The following PHF21A variants were observed in gnomAD, a reference collection of about 807,000 sequenced individuals.
PHF21A encodes BHC80a.
Under a neutral mutation model 82.5 loss-of-function variants are expected in PHF21A, and 11 were observed. The observed-to-expected ratio is 0.13, with a 90% CI of 0.08 to 0.22. PHF21A has a LOEUF of 0.22. Among genes scored for constraint, PHF21A ranks in the 10% least tolerant of loss-of-function variants. The pLI, the probability that PHF21A is intolerant of heterozygous loss-of-function variation, is 1.00. For synonymous variants in PHF21A, 297 were observed against 302.8 expected (o/e 0.98, Z 0.20); for missense variants, 579 against 837.8 (o/e 0.69, Z 3.81).
At position 46,100,213 on chromosome 11, in the gene PHF21A, A is replaced by T. The variant is rs138297435; in HGVS notation, c.-236-7990T>A. ...CTTGATATTAATGCTAGCCTTTAAG[A>T]CCAAAAATATGTTATGTTACAGAAG... On this transcript the variant is annotated intron_variant, in intron 1 of 18. Transcript: ENST00000676320. 2.3e-3 allele frequency among the ~76,000 whole-genome samples: 348 copies of T among 152,296 alleles called. 2 individuals carry two copies. The highest frequency in any genetic ancestry group is 8.0e-3 in the African/African-American group (331 of 41,568).
At chr11:45,972,936 G>A (rs923052192) in intron 7 of PHF21A, among the ~76,000 whole-genome samples, 1 of 151,988 alleles carries the variant, frequency 6.6e-6, no homozygotes, top group Admixed American at 6.6e-5. Flanking sequence ...AAATTAGCCA[G>A]GTGTGGTGGC....
chr11:46,037,577 C>T (rs577548169), intron 6 of PHF21A, among the ~76,000 whole-genome samples: 5 of 145,966 alleles, frequency 3.4e-5, no homozygotes, highest in Admixed American at 1.4e-4. Flanking sequence ...GGAGCCGCCT[C>T]TGTTGCGGTG....
At chr11:45,939,127 C>T (rs1197849321) in intron 15 of PHF21A, among the ~76,000 whole-genome samples, 2 of 152,190 alleles carry the variant, frequency 1.3e-5, no homozygotes, top group East Asian at 1.9e-4. Flanking sequence ...CCACTGCACC[C>T]GGCCGGGACT....
intron 6 of PHF21A, among the ~76,000 whole-genome samples, chr11:46,074,114 T>A (rs1474678910): frequency 6.6e-6 from 1 of 150,656 alleles, no homozygotes; most frequent in Non-Finnish European, 1.5e-5. Flanking sequence ...AATGGTTTTG[T>A]CAGATGCAAA....
intron 1 of PHF21A, among the ~76,000 whole-genome samples, chr11:46,115,352 A>T (rs898837466): frequency 6.6e-6 from 1 of 152,188 alleles, no homozygotes; most frequent in African/African-American, 2.4e-5. Flanking sequence ...CTACTTCAAC[A>T]TTTTTACAAA....
chr11:45,935,297 T>G (rs1590885374), intron 18 of PHF21A: 1 of 1,303,116 alleles, frequency 7.7e-7, no homozygotes, highest in South Asian at 1.2e-5. Context: ...CAGTGTCAGG[T>G]GAGGCGCTAC....
Position 45,969,920 on chromosome 11 carries a change from GATAA to G in PHF21A, c.613-20_613-17del, listed in dbSNP as rs760308964. ...CCTGAACCTGCTAAAAAATGAGGAA[GATAA>G]ATAAACCAGAGAGAACAATTACTCT... On this transcript the variant is annotated splice_polypyrimidine_tract_variant and intron_variant, in intron 8 of 18. Coordinates refer to ENST00000676320, the MANE Select transcript of PHF21A (RefSeq NM_001352027.3). The G allele has an allele frequency of 6.4e-7, 1 of 1,559,296 alleles. No homozygotes were observed. The highest frequency in any genetic ancestry group is 1.4e-5 in the African/African-American group (1 of 73,960).
At position 45,945,990 on chromosome 11, in the gene PHF21A, T is replaced by C. The variant is rs767344740; in HGVS notation, c.1302A>G (p.Lys434=). The change falls in exon 15 of 19, where the codon AAA becomes AAG. Residue 434 remains lysine (K), a synonymous_variant. Coordinates refer to ENST00000676320, the MANE Select transcript of PHF21A (RefSeq NM_001352027.3). ...PGTRKRGRPP[K]YNAVLGFGAL... ...CTCCAAACCCCAGCACTGCATTGTA[T>C]TTTGGAGGACGACCTATATACCAAG... is the stretch of plus-strand genomic sequence containing the variant. 6.2e-7 allele frequency: 1 copy of C among 1,613,788 alleles called. No homozygotes were observed. Among genetic ancestry groups the C allele is most frequent in the South Asian group, 1.1e-5 (1 of 91,076 alleles).
chr11:46,055,424 TGTAGA>T (rs1220977502), intron 6 of PHF21A, among the ~76,000 whole-genome samples: 1 of 152,130 alleles, frequency 6.6e-6, no homozygotes, highest in East Asian at 1.9e-4. Flanking sequence ...ATGGGAAAAG[TGTAGA>T]GTACACAGTA....
At chr11:45,985,327 C>G (rs952728720) in intron 6 of PHF21A, among the ~76,000 whole-genome samples, 3 of 152,150 alleles carry the variant, frequency 2.0e-5, no homozygotes, top group East Asian at 3.8e-4. Flanking sequence ...ACTGTCATAA[C>G]ATTAGAGACA....
intron 1 of PHF21A, among the ~76,000 whole-genome samples, chr11:46,114,423 T>G (rs1205421633): frequency 2.0e-5 from 3 of 152,194 alleles, no homozygotes; most frequent in African/African-American, 4.8e-5. Flanking sequence ...TTTTGGAATA[T>G]AGTCCAAGAA....
intron 10 of PHF21A, among the ~76,000 whole-genome samples, chr11:45,958,143 G>C (rs2092800098): frequency 6.6e-6 from 1 of 151,560 alleles, no homozygotes; most frequent in East Asian, 1.9e-4. Flanking sequence ...AAAAGAAAAA[G>C]TACAGGATCA....
intron 6 of PHF21A, among the ~76,000 whole-genome samples, chr11:46,025,558 G>C (rs1367651140): frequency 2.0e-5 from 3 of 152,020 alleles, no homozygotes; most frequent in Non-Finnish European, 2.9e-5. Context: ...ATGATTCTCT[G>C]GTATCCTAAG....
At chr11:46,087,164 T>A (rs1047558485) in intron 3 of PHF21A, among the ~76,000 whole-genome samples, 1 of 152,208 alleles carries the variant, frequency 6.6e-6, no homozygotes, top group Non-Finnish European at 1.5e-5. Context: ...AAATTTTCCA[T>A]AAAAAATATG....
chr11:45,973,254 A>G (rs1006101228), intron 7 of PHF21A, among the ~76,000 whole-genome samples: 1 of 152,210 alleles, frequency 6.6e-6, no homozygotes, highest in Non-Finnish European at 1.5e-5. Flanking sequence ...TATTTCCAAC[A>G]TCACAGAAAG....
chr11:45,972,555 A>C (rs1228363031), intron 7 of PHF21A, among the ~76,000 whole-genome samples: 1 of 152,240 alleles, frequency 6.6e-6, no homozygotes, highest in African/African-American at 2.4e-5. Context: ...AGGCAGGTGG[A>C]TCGTCTGAGG....
Position 46,097,020 on chromosome 11 carries a change from G to A in PHF21A, c.-236-4797C>T, listed in dbSNP as rs192947111. ...TTTTACCACACTCCACATCTACTCC[G>A]ACAGCCAACCATGTGCCTCTACCTT... On this transcript the variant is annotated intron_variant, in intron 1 of 18. Transcript: ENST00000676320. Among the ~76,000 whole-genome samples the A allele has an allele frequency of 7.2e-5, 11 of 151,848 alleles. No homozygotes were observed. In the East Asian group the frequency reaches 7.8e-4, roughly 11 times the overall value.
At chr11:46,061,949 T>G (rs1592671447) in intron 6 of PHF21A, among the ~76,000 whole-genome samples, 1 of 152,320 alleles carries the variant, frequency 6.6e-6, no homozygotes, top group Non-Finnish European at 1.5e-5. Context: ...AGAGATGGGT[T>G]GGGTATAGAA....
intron 6 of PHF21A, among the ~76,000 whole-genome samples, chr11:46,040,363 T>G (rs563072755): frequency 6.6e-6 from 1 of 152,180 alleles, no homozygotes; most frequent in African/African-American, 2.4e-5. Flanking sequence ...AAAAATACTA[T>G]TTGGCACAGA....
Sources: gnomAD v4.1 joint callset for allele counts (sites outside exome capture counted in the v4.1 genomes callset) on GRCh38, gnomAD v4.1.1 for gene constraint, MANE v1.5 for transcripts, NCBI Gene and HGNC (gene_info 2026-07-23, HGNC 2026-07-21) for gene names.